The following ERP44 variants were observed in gnomAD, a reference collection of about 807,000 sequenced individuals.
ERP44 encodes endoplasmic reticulum protein 44, also known as endoplasmic reticulum resident protein 44.
Under a neutral mutation model 53.4 loss-of-function variants are expected in ERP44, and 25 were observed. The ratio of observed to expected loss-of-function variants is 0.47; its 90% confidence interval spans 0.34 to 0.65. The LOEUF is 0.65. Ranked by LOEUF, ERP44 falls within the 30% of genes least tolerant of loss-of-function variation. The pLI is 0.01. For synonymous variants in ERP44, 145 were observed against 161.2 expected (o/e 0.90, Z 0.76); for missense variants, 338 against 493.2 (o/e 0.69, Z 2.98).
intron 2 of ERP44, 130 bp from the exon 3 acceptor site, chr9:100,057,989 C>T: frequency 1.5e-6 from 1 of 671,948 alleles, no homozygotes; most frequent in South Asian, 1.9e-5. Context: ...TTATCTCTCA[C>T]TCAGAAACCT....
chr9:100,074,267 TC>T (rs1218490879), intron 1 of ERP44, among the ~76,000 whole-genome samples: 2 of 152,118 alleles, frequency 1.3e-5, no homozygotes, highest in African/African-American at 4.8e-5. Flanking sequence ...GAAACTATCC[TC>T]CCCACCCCCG....
chr9:100,086,123 C>T (rs1564106430), intron 1 of ERP44, among the ~76,000 whole-genome samples: 2 of 152,074 alleles, frequency 1.3e-5, no homozygotes, highest in Admixed American at 6.6e-5. Flanking sequence ...GTAATAGAAA[C>T]GATGTTTTTC....
chr9:99,993,247 C>T (rs1443424984), intron 10 of ERP44, among the ~76,000 whole-genome samples: 5 of 152,178 alleles, frequency 3.3e-5, no homozygotes, highest in Admixed American at 6.5e-5. Flanking sequence ...CATCACGCTA[C>T]CTGACTTCAA....
chr9:100,055,622 C>A (rs759877353), intron 3 of ERP44, among the ~76,000 whole-genome samples: 88 of 152,316 alleles, frequency 5.8e-4, no homozygotes, highest in Non-Finnish European at 8.5e-4. Flanking sequence ...CTGCCCGCCT[C>A]GGCCTTCCAA....
chr9:100,090,272 C>G (rs1826537139), intron 1 of ERP44, among the ~76,000 whole-genome samples: 1 of 152,148 alleles, frequency 6.6e-6, no homozygotes, highest in Non-Finnish European at 1.5e-5. Context: ...GTACTTGGGC[C>G]AGAACTCCAG....
intron 4 of ERP44, among the ~76,000 whole-genome samples, chr9:100,037,245 T>G (rs570276180): frequency 2.6e-5 from 4 of 152,102 alleles, no homozygotes; most frequent in Non-Finnish European, 5.9e-5. Flanking sequence ...GAAAGCAAAA[T>G]TGAACAGAAC....
At chr9:100,031,847 T>C (rs936683396) in intron 4 of ERP44, among the ~76,000 whole-genome samples, 1 of 152,176 alleles carries the variant, frequency 6.6e-6, no homozygotes, top group Non-Finnish European at 1.5e-5. Flanking sequence ...TAGAAATAGC[T>C]AAGATTCCTC....
chr9:100,037,368 C>T (rs1301183824), intron 4 of ERP44, among the ~76,000 whole-genome samples: 2 of 152,158 alleles, frequency 1.3e-5, no homozygotes, highest in Admixed American at 1.3e-4. Flanking sequence ...CCTTGTGCCA[C>T]AGTGCTCTGG....
chr9:100,013,727 A>G (rs1830499858), intron 8 of ERP44, among the ~76,000 whole-genome samples: 1 of 152,230 alleles, frequency 6.6e-6, no homozygotes, highest in Non-Finnish European at 1.5e-5. Flanking sequence ...ACCACTTTGG[A>G]AAAACTGGTA....
At chr9:100,096,348 AATCT>A (rs564801852) in intron 1 of ERP44, among the ~76,000 whole-genome samples, 379 of 152,140 alleles carry the variant, frequency 2.5e-3, no homozygotes, top group Non-Finnish European at 4.2e-3. Context: ...GGGCTAATTA[AATCT>A]ATCTATCTAA....
At chr9:100,045,943 A>C (rs1020602425) in intron 4 of ERP44, among the ~76,000 whole-genome samples, 3 of 152,146 alleles carry the variant, frequency 2.0e-5, no homozygotes, top group Non-Finnish European at 4.4e-5. Flanking sequence ...TGCAAAAAAA[A>C]CCTAATTGTC....
At chr9:100,057,513 C>T (rs942053700) in intron 3 of ERP44, among the ~76,000 whole-genome samples, 32 of 152,198 alleles carry the variant, frequency 2.1e-4, no homozygotes, top group African/African-American at 7.7e-4. Flanking sequence ...CACTACCCTT[C>T]TTCCACAGTC....
rs376072726 is a variant in ERP44, at chr9:99,982,569, T to C, written c.*43A>G. 1.0e-6 allele frequency: 1 copy of C among 963,254 alleles called. No homozygotes were observed. The highest frequency in any genetic ancestry group is 2.7e-5 in the East Asian group (1 of 37,658). The allele number at this position is 963,254 out of a possible 1,614,324, so 59.7% of individuals were successfully genotyped here. A position where few individuals can be genotyped will look rare whatever the true frequency, so the allele number is the denominator to read the frequency against. On this transcript the variant is annotated 3_prime_UTR_variant, in exon 12 of 12. Coordinates refer to ENST00000262455, the MANE Select transcript of ERP44 (RefSeq NM_015051.3). ...AGGTTTACTATTTCCACCACGTAGG[T>C]TGATGCTGCTGTTGAAAGGCTTACA...
At chr9:100,018,082 T>C (rs1238632797) in intron 7 of ERP44, among the ~76,000 whole-genome samples, 174 bp downstream of exon 7, 1 of 152,080 alleles carries the variant, frequency 6.6e-6, no homozygotes, top group East Asian at 1.9e-4. Context: ...GACTTTAGGC[T>C]TCTGTGGTCC....
intron 1 of ERP44, among the ~76,000 whole-genome samples, chr9:100,094,559 G>A (rs931495523): frequency 2.0e-5 from 3 of 152,094 alleles, no homozygotes; most frequent in African/African-American, 7.2e-5. Flanking sequence ...TGGGGAGGCT[G>A]AGGCAGGAGA....
At chr9:100,043,290 A>AT (rs1825930703) in intron 4 of ERP44, among the ~76,000 whole-genome samples, 1 of 143,344 alleles carries the variant, frequency 7.0e-6, no homozygotes, top group Non-Finnish European at 1.5e-5. Context: ...AAAAAAAAAA[A>AT]AGATAAATAA....
intron 1 of ERP44, among the ~76,000 whole-genome samples, chr9:100,063,633 G>A (rs189848437): frequency 2.6e-5 from 4 of 151,918 alleles, no homozygotes; most frequent in Non-Finnish European, 2.9e-5. Context: ...TTAAATTTAC[G>A]TTAAAAACAA....
chr9:99,998,698 A>C (rs1830342632), intron 10 of ERP44: 4 of 729,198 alleles, frequency 5.5e-6, no homozygotes. Flanking sequence ...ACTTCTCTGC[A>C]ATTTTCTTCG....
intron 10 of ERP44, chr9:99,998,699 A>T: frequency 1.4e-6 from 1 of 727,976 alleles, no homozygotes; most frequent in South Asian, 1.5e-5. Context: ...CTTCTCTGCA[A>T]TTTTCTTCGG....
Sources: gnomAD v4.1 joint callset for allele counts (sites outside exome capture counted in the v4.1 genomes callset) on GRCh38, gnomAD v4.1.1 for gene constraint, MANE v1.5 for transcripts, NCBI Gene and HGNC (gene_info 2026-07-23, HGNC 2026-07-21) for gene names.